PKIB: variants seen among roughly 807,000 people sequenced by gnomAD.
The protein encoded by PKIB is cAMP-dependent protein kinase inhibitor beta.
In PKIB, 2 loss-of-function variants were observed where a neutral mutation model predicts 4.5. That is an observed-to-expected ratio of 0.44 (90% CI 0.18 to 1.39). The LOEUF (loss-of-function observed/expected upper bound fraction) is 1.39, where lower values mean the gene tolerates loss of function less well. Among genes scored for constraint, PKIB ranks in the 40% most tolerant of loss-of-function variants. PKIB has a pLI of 0.27. For synonymous variants in PKIB, 38 were observed against 36.0 expected, an observed-to-expected ratio of 1.06 and a Z score of -0.20; for missense variants, 94 against 92.6, an observed-to-expected ratio of 1.02 and a Z score of -0.06.
At chr6:122,685,729 T>C (rs1778067050) in intron 3 of PKIB, among the ~76,000 whole-genome samples, 1 of 152,210 alleles carries the variant, frequency 6.6e-6, no homozygotes, top group Non-Finnish European at 1.5e-5. Context: ...TGTTGTGCTA[T>C]CAAATACTAG....
chr6:122,515,013 T>C (rs1422870626), intron 2 of PKIB, among the ~76,000 whole-genome samples: 1 of 152,236 alleles, frequency 6.6e-6, no homozygotes, highest in African/African-American at 2.4e-5. Context: ...CTTGGTGTGC[T>C]TATAGCGATA....
At chr6:122,701,372 C>T in intron 3 of PKIB, 7 of 1,342,138 alleles carry the variant, frequency 5.2e-6, no homozygotes, top group Non-Finnish European at 6.2e-6. Flanking sequence ...AGAGCTCTAG[C>T]CTGAGCTCTG....
chr6:122,624,773 C>T (rs1258280684), intron 1 of PKIB, among the ~76,000 whole-genome samples: 1 of 152,112 alleles, frequency 6.6e-6, no homozygotes, highest in Non-Finnish European at 1.5e-5. Flanking sequence ...GCTGTGTGAT[C>T]TTAGGGATGC....
At chr6:122,641,950 C>A (rs1437818652) in intron 2 of PKIB, among the ~76,000 whole-genome samples, 1 of 152,182 alleles carries the variant, frequency 6.6e-6, no homozygotes, top group Non-Finnish European at 1.5e-5. Context: ...AACTCGGCCT[C>A]CCAAAGTGCT....
At chr6:122,621,261 C>G (rs7776200) in intron 1 of PKIB, among the ~76,000 whole-genome samples, 4,340 of 152,178 alleles carry the variant, frequency 0.029, 190 homozygotes, top group African/African-American at 0.097. Context: ...ATGCCCAATC[C>G]TTATTTATTT....
chr6:122,472,394 A>G (rs1775329028), intron 1 of PKIB, among the ~76,000 whole-genome samples: 1 of 152,200 alleles, frequency 6.6e-6, no homozygotes, highest in South Asian at 2.1e-4. Flanking sequence ...AGATGTTACA[A>G]GAAATTTGCA....
At chr6:122,638,746 G>T (rs1776021883) in intron 2 of PKIB, among the ~76,000 whole-genome samples, 1 of 152,146 alleles carries the variant, frequency 6.6e-6, no homozygotes, top group African/African-American at 2.4e-5. Context: ...TTAAGAAGTG[G>T]ATTTTTGCCA....
intron 3 of PKIB, among the ~76,000 whole-genome samples, chr6:122,679,952 T>C (rs1386815319): frequency 1.3e-5 from 2 of 152,204 alleles, no homozygotes; most frequent in East Asian, 3.9e-4. Flanking sequence ...TCAGAACAGA[T>C]TCTAAACCAA....
At chr6:122,585,130 C>A (rs1211386798) in intron 2 of PKIB, among the ~76,000 whole-genome samples, 1 of 152,132 alleles carries the variant, frequency 6.6e-6, no homozygotes, top group Non-Finnish European at 1.5e-5. Context: ...GATAGCCGTA[C>A]TCTCCAAGAA....
intron 3 of PKIB, among the ~76,000 whole-genome samples, chr6:122,680,238 C>T (rs1482659955): frequency 2.0e-5 from 3 of 152,134 alleles, no homozygotes; most frequent in African/African-American, 4.8e-5. Context: ...TCCATTTTTA[C>T]GCTTAGGTTC....
At chr6:122,596,763 C>T (rs1190670313) in intron 3 of PKIB, among the ~76,000 whole-genome samples, 1 of 152,164 alleles carries the variant, frequency 6.6e-6, no homozygotes, top group Admixed American at 6.5e-5. Context: ...TCCCTAGTTG[C>T]CACTGACACC....
At chr6:122,623,085 A>G (rs1775304880) in intron 1 of PKIB, among the ~76,000 whole-genome samples, 1 of 152,208 alleles carries the variant, frequency 6.6e-6, no homozygotes, top group South Asian at 2.1e-4. Flanking sequence ...CCGCCAAGCA[A>G]ATTCTTACTT....
In PKIB at chr6:122,553,389, C is replaced by G. The variant is rs182723872; in HGVS notation, c.-247-32532C>G. 3.5e-3 allele frequency among the ~76,000 whole-genome samples: 534 copies of G among 151,742 alleles called. 4 individuals are homozygous for G. The highest frequency in any genetic ancestry group is 0.012 in the African/African-American group (493 of 41,390). ...AGGGTCCACAAAGCCGATTGATATCCTGGCCCTTAAATGCATGCAGTTTCC... is the reference window on the plus strand; with the variant it reads ...AGGGTCCACAAAGCCGATTGATATCGTGGCCCTTAAATGCATGCAGTTTCC... On this transcript the variant is annotated intron_variant, in intron 2 of 6. Coordinates refer to the PKIB transcript ENST00000392491.
intron 3 of PKIB, among the ~76,000 whole-genome samples, chr6:122,711,085 G>A (rs1779256390): frequency 6.6e-6 from 1 of 151,990 alleles, no homozygotes; most frequent in Admixed American, 6.6e-5. Flanking sequence ...TTCATCTAAA[G>A]GAGAAGTGAA....
intron 2 of PKIB, among the ~76,000 whole-genome samples, chr6:122,557,123 C>T (rs948780365): frequency 2.0e-5 from 3 of 152,034 alleles, no homozygotes; most frequent in African/African-American, 7.2e-5. Context: ...GGCTGAGGCA[C>T]GAGAATCACT....
chr6:122,534,764 A>G (rs931399905), intron 2 of PKIB, among the ~76,000 whole-genome samples: 2 of 152,166 alleles, frequency 1.3e-5, no homozygotes, highest in Non-Finnish European at 2.9e-5. Context: ...AACTAGAACT[A>G]CAGACAGGGA....
chr6:122,708,876 G>A (rs931921003), intron 3 of PKIB, among the ~76,000 whole-genome samples: 4 of 152,068 alleles, frequency 2.6e-5, no homozygotes, highest in Non-Finnish European at 5.9e-5. Context: ...CAGGTGATCT[G>A]CCTGCCTCAG....
At chr6:122,697,606 A>T (rs1778627979) in intron 3 of PKIB, among the ~76,000 whole-genome samples, 1 of 152,088 alleles carries the variant, frequency 6.6e-6, no homozygotes, top group Non-Finnish European at 1.5e-5. Flanking sequence ...AATTGAGACT[A>T]ACCAATGCTT....
At chr6:122,711,158 A>G (rs1359965284) in intron 3 of PKIB, among the ~76,000 whole-genome samples, 1 of 152,022 alleles carries the variant, frequency 6.6e-6, no homozygotes, top group Non-Finnish European at 1.5e-5. Flanking sequence ...CACACACACC[A>G]CACAGGGACA....
Sources: gnomAD v4.1 joint callset for allele counts (sites outside exome capture counted in the v4.1 genomes callset) on GRCh38, gnomAD v4.1.1 for gene constraint, MANE v1.5 for transcripts, NCBI Gene and HGNC (gene_info 2026-07-23, HGNC 2026-07-21) for gene names.